Variants in TMED10 observed in about 807,000 individuals in gnomAD.
The protein encoded by TMED10 is transmembrane emp24 domain-containing protein 10.
In TMED10, 7 loss-of-function variants were observed where a neutral mutation model predicts 23.1. The ratio of observed to expected loss-of-function variants is 0.30; its 90% confidence interval spans 0.17 to 0.57. The LOEUF is 0.57. Among genes scored for constraint, TMED10 ranks in the 20% least tolerant of loss-of-function variants. The pLI is 0.91. For missense variants in TMED10, 162 were observed against 274.8 expected, an observed-to-expected ratio of 0.59 and a Z score of 2.90; for synonymous variants, 113 against 106.9, an observed-to-expected ratio of 1.06 and a Z score of -0.35.
At chr14:75,164,544 TATATATATATATATATATATATATATA>T (rs1402946739) in intron 1 of TMED10, among the ~76,000 whole-genome samples, 7 of 6,520 alleles carry the variant, frequency 1.1e-3, no homozygotes, top group East Asian at 0.01. Context: ...TATATATATA[TATATATATATATATATATATATATATA>T]TATATATTTT....
At chr14:75,155,417 C>T (rs753388643) in intron 1 of TMED10, among the ~76,000 whole-genome samples, 7 of 152,128 alleles carry the variant, frequency 4.6e-5, no homozygotes, top group Non-Finnish European at 8.8e-5. Flanking sequence ...GTTTGCATTT[C>T]CCTGATGGTT....
In TMED10 at chr14:75,135,079, G is replaced by C. The variant is rs175444; in HGVS notation, c.539-73C>G. 700,433 of 1,577,970 alleles carry C rather than the reference G, an allele frequency of 0.44. 159,479 individuals carry two copies. The highest frequency in any genetic ancestry group is 0.48 in the Middle Eastern group (2,823 of 5,940). ...AGCTGGCTAAACAATGGCAGGGGAG[G>C]TGGGTAAAGGCAATTAATTAACTTC... On this transcript the variant is annotated intron_variant, in intron 4 of 4. Transcript: ENST00000303575.
chr14:75,147,185 G>GTTTTTTTTTTTTTTTTTTTTTTTTT lies in TMED10; in HGVS notation c.411+478_411+479insAAAAAAAAAAAAAAAAAAAAAAAAA, dbSNP rs71119349. The stretch of plus-strand genomic sequence containing the variant: ...ACAGCCAGAATTATTCTTCAAGGCT[G>GTTTTTTTTTTTTTTTTTTTTTTTTT]TTTTTTTTTTTTTTTTTTTTTGAGA... On this transcript the variant is annotated intron_variant, in intron 3 of 4. Transcript: ENST00000303575. Among the ~76,000 whole-genome samples the GTTTTTTTTTTTTTTTTTTTTTTTTT allele has an allele frequency of 1.0e-4, 12 of 116,616 alleles. 1 individual carries two copies. Among genetic ancestry groups the GTTTTTTTTTTTTTTTTTTTTTTTTT allele is most frequent in the African/African-American group, 4.2e-4 (11 of 26,286 alleles). The allele number at this position is 116,616 out of a possible 152,430, so 76.5% of individuals were successfully genotyped here. A position where few individuals can be genotyped will look rare whatever the true frequency, so the allele number is the denominator to read the frequency against.
chr14:75,167,541 T>C (rs1009952109), intron 1 of TMED10, among the ~76,000 whole-genome samples: 10 of 151,952 alleles, frequency 6.6e-5, no homozygotes, highest in African/African-American at 2.4e-4. Flanking sequence ...AAAGAAGTTA[T>C]AAGCCAATAG....
chr14:75,165,430 G>A (rs548069341), intron 1 of TMED10, among the ~76,000 whole-genome samples: 43 of 152,224 alleles, frequency 2.8e-4, no homozygotes, highest in African/African-American at 1.0e-3. Flanking sequence ...GTTTCACCAT[G>A]TTGGCCAGGC....
intron 1 of TMED10, among the ~76,000 whole-genome samples, chr14:75,159,248 C>G (rs1446923564): frequency 1.3e-5 from 2 of 152,198 alleles, no homozygotes; most frequent in Admixed American, 6.5e-5. Flanking sequence ...TTGCAGACAA[C>G]ATTGAACTTG....
At chr14:75,138,833 A>T (rs404103) in intron 3 of TMED10, among the ~76,000 whole-genome samples, 5,924 of 129,198 alleles carry the variant, frequency 0.046, 53 homozygotes, top group African/African-American at 0.057. Context: ...TTTTTTTTTT[A>T]TTTTTGTTGT....
intron 3 of TMED10, among the ~76,000 whole-genome samples, chr14:75,136,291 T>C (rs1026670434): frequency 6.6e-6 from 1 of 152,168 alleles, no homozygotes; most frequent in African/African-American, 2.4e-5. Flanking sequence ...CCCAAGTAGC[T>C]GGGACCACAG....
chr14:75,145,991 T>C (rs1313690034), intron 3 of TMED10, among the ~76,000 whole-genome samples: 1 of 152,312 alleles, frequency 6.6e-6, no homozygotes, highest in East Asian at 1.9e-4. Context: ...TTATATCTTA[T>C]AAAAGCACTT....
intron 1 of TMED10, among the ~76,000 whole-genome samples, chr14:75,153,068 GC>G (rs1895974447): frequency 1.3e-5 from 2 of 152,278 alleles, no homozygotes; most frequent in African/African-American, 4.8e-5. Context: ...GTTGCAGTGA[GC>G]CAAGATTGCG....
At chr14:75,160,947 G>A (rs1202449616) in intron 1 of TMED10, among the ~76,000 whole-genome samples, 1 of 152,182 alleles carries the variant, frequency 6.6e-6, no homozygotes, top group East Asian at 1.9e-4. Context: ...AGGAGGCTGA[G>A]GCAGGAGAAT....
intron 2 of TMED10, among the ~76,000 whole-genome samples, chr14:75,151,200 C>T (rs148476911): frequency 1.3e-5 from 2 of 151,584 alleles, no homozygotes; most frequent in Non-Finnish European, 2.9e-5. Context: ...TCACTGCGCC[C>T]GGCCAGTTTT....
chr14:75,167,145 T>C (rs1169884370), intron 1 of TMED10, among the ~76,000 whole-genome samples: 3 of 152,054 alleles, frequency 2.0e-5, no homozygotes, highest in Non-Finnish European at 4.4e-5. Flanking sequence ...TTTCACCATG[T>C]TGGCCAGGAT....
chr14:75,165,650 AC>A (rs2139857430), intron 1 of TMED10, among the ~76,000 whole-genome samples: 1 of 152,354 alleles, frequency 6.6e-6, no homozygotes, highest in African/African-American at 2.4e-5. Context: ...AAAAGCATGT[AC>A]AAAGTCTATC....
chr14:75,142,586 A>C (rs1895836463), intron 3 of TMED10, among the ~76,000 whole-genome samples: 1 of 152,096 alleles, frequency 6.6e-6, no homozygotes, highest in Admixed American at 6.6e-5. Context: ...CACAGTTAAC[A>C]CTCAATCATA....
intron 1 of TMED10, 163 bp downstream of exon 1, chr14:75,176,192 C>T: frequency 2.4e-6 from 2 of 840,006 alleles, no homozygotes; most frequent in Non-Finnish European, 1.8e-6. Flanking sequence ...CCGCGACAGG[C>T]AACCAGCGGG....
At chr14:75,170,632 T>C (rs1372599456) in intron 1 of TMED10, among the ~76,000 whole-genome samples, 1 of 151,738 alleles carries the variant, frequency 6.6e-6, no homozygotes, top group Admixed American at 6.6e-5. Flanking sequence ...TTAAAAAGAG[T>C]TCAGTAAAAT....
intron 3 of TMED10, among the ~76,000 whole-genome samples, chr14:75,145,511 C>G (rs946660845): frequency 1.3e-5 from 2 of 152,148 alleles, no homozygotes; most frequent in African/African-American, 4.8e-5. Flanking sequence ...TTGGGCTGGG[C>G]GCGGTGCCTC....
rs558494700 is a variant in TMED10, at chr14:75,132,053, G to C, written c.*2832C>G. On this transcript the variant is annotated 3_prime_UTR_variant, in exon 5 of 5. Transcript: ENST00000303575. ...AGTCAGAAATAGGAAAGAAAATCTT[G>C]TTAGGCTAACGGTACATGATAGAAA... 6.5e-6 allele frequency: 1 copy of C among 152,694 alleles called. No individual in the cohort carries two copies. The highest frequency in any genetic ancestry group is 2.4e-5 in the African/African-American group (1 of 41,558). The allele number at this position is 152,694 out of a possible 1,614,324, so 9.5% of individuals were successfully genotyped here. A position where few individuals can be genotyped will look rare whatever the true frequency, so the allele number is the denominator to read the frequency against.
Sources: gnomAD v4.1 joint callset for allele counts (sites outside exome capture counted in the v4.1 genomes callset) on GRCh38, gnomAD v4.1.1 for gene constraint, MANE v1.5 for transcripts, NCBI Gene and HGNC (gene_info 2026-07-23, HGNC 2026-07-21) for gene names.